KCNB2: variants seen among roughly 807,000 people sequenced by gnomAD.
KCNB2 encodes delayed rectifier potassium channel protein.
A neutral mutation model predicts 61.5 loss-of-function variants in KCNB2; 15 were observed. The observed-to-expected ratio is 0.24, with a 90% CI of 0.16 to 0.38. The LOEUF is 0.38. Ranked by LOEUF, KCNB2 falls within the 10% of genes least tolerant of loss-of-function variation. The pLI is 1.00. For missense variants in KCNB2, 828 were observed against 1,125.2 expected (o/e 0.74, Z 3.78); for synonymous variants, 457 against 446.0 (o/e 1.02, Z -0.31).
chr8:72,835,849 A>T (rs1047847374), intron 2 of KCNB2, among the ~76,000 whole-genome samples: 1 of 152,166 alleles, frequency 6.6e-6, no homozygotes, highest in Non-Finnish European at 1.5e-5. Context: ...TGCTCATTAC[A>T]TTCAACAGGT....
At chr8:72,682,229 G>T (rs759112144) in intron 2 of KCNB2, among the ~76,000 whole-genome samples, 34 of 152,196 alleles carry the variant, frequency 2.2e-4, no homozygotes, top group Middle Eastern at 3.4e-3. Flanking sequence ...TCTGGAGCAT[G>T]GCTACCCCAC....
At chr8:72,910,099 C>T (rs1026999194) in intron 2 of KCNB2, among the ~76,000 whole-genome samples, 1 of 152,144 alleles carries the variant, frequency 6.6e-6, no homozygotes, top group Non-Finnish European at 1.5e-5. Context: ...AGGCTCAAGT[C>T]GCTTATGAGT....
At chr8:72,874,451 C>T (rs550133626) in intron 2 of KCNB2, among the ~76,000 whole-genome samples, 4 of 152,212 alleles carry the variant, frequency 2.6e-5, no homozygotes, top group Admixed American at 1.3e-4. Flanking sequence ...TCTGCTTTCC[C>T]CCTAAGTCTG....
intron 2 of KCNB2, among the ~76,000 whole-genome samples, chr8:72,811,511 C>T (rs933514798): frequency 2.6e-4 from 40 of 152,060 alleles, no homozygotes; most frequent in African/African-American, 8.5e-4. Flanking sequence ...GTCTTTTCTT[C>T]GATTATGTCT....
chr8:72,808,706 T>G (rs117741852), intron 2 of KCNB2, among the ~76,000 whole-genome samples: 2 of 152,166 alleles, frequency 1.3e-5, no homozygotes, highest in Non-Finnish European at 2.9e-5. Context: ...AAAGATCCCA[T>G]GTACTTGACA....
At chr8:72,569,118 T>G (rs1806671800) in intron 2 of KCNB2, among the ~76,000 whole-genome samples, 1 of 152,172 alleles carries the variant, frequency 6.6e-6, no homozygotes, top group East Asian at 1.9e-4. Flanking sequence ...CTTCCAAGGT[T>G]AGCTCAAACC....
intron 2 of KCNB2, among the ~76,000 whole-genome samples, chr8:72,625,823 A>G (rs1362728619): frequency 6.6e-6 from 1 of 152,192 alleles, no homozygotes; most frequent in Non-Finnish European, 1.5e-5. Context: ...CAAGGAAAGA[A>G]TGGGAGGACA....
chr8:72,898,679 T>C (rs1806032365), intron 2 of KCNB2, among the ~76,000 whole-genome samples: 2 of 152,148 alleles, frequency 1.3e-5, no homozygotes, highest in Admixed American at 6.6e-5. Flanking sequence ...TCAACTTTTA[T>C]CTTAGATACT....
chr8:72,923,369 G>A (rs576524085), intron 2 of KCNB2, among the ~76,000 whole-genome samples: 111 of 152,234 alleles, frequency 7.3e-4, no homozygotes, highest in African/African-American at 2.5e-3. Context: ...TTCAAAATAT[G>A]CCAAAGATAT....
intron 1 of KCNB2, among the ~76,000 whole-genome samples, chr8:72,558,129 A>G (rs963033965): frequency 2.6e-5 from 4 of 152,242 alleles, no homozygotes; most frequent in Admixed American, 6.5e-5. Context: ...ATATGGATAC[A>G]GAGATGTTTG....
At chr8:72,748,858 GA>G (rs1808131501) in intron 2 of KCNB2, among the ~76,000 whole-genome samples, 1 of 151,704 alleles carries the variant, frequency 6.6e-6, no homozygotes, top group South Asian at 2.1e-4. Context: ...TTTGCAGTGA[GA>G]ACACTTAAAA....
intron 1 of KCNB2, among the ~76,000 whole-genome samples, chr8:72,546,924 C>A (rs1036811541): frequency 2.6e-4 from 40 of 152,312 alleles, no homozygotes; most frequent in African/African-American, 9.6e-4. Context: ...CTTTCCATAG[C>A]TAGAGAGAAG....
chr8:72,668,125 C>T (rs1806507782), intron 2 of KCNB2, among the ~76,000 whole-genome samples: 1 of 152,216 alleles, frequency 6.6e-6, no homozygotes, highest in South Asian at 2.1e-4. Context: ...TCCAGTTGCC[C>T]TCTTCCAGCA....
intron 2 of KCNB2, among the ~76,000 whole-genome samples, chr8:72,807,673 T>A (rs867574883): frequency 1.3e-5 from 2 of 152,068 alleles, no homozygotes; most frequent in East Asian, 3.9e-4. Flanking sequence ...GCAGCATGAA[T>A]CAGAAAACAC....
intron 2 of KCNB2, among the ~76,000 whole-genome samples, chr8:72,668,795 A>G (rs1218010697): frequency 6.6e-6 from 1 of 152,092 alleles, no homozygotes; most frequent in African/African-American, 2.4e-5. Context: ...CCCCAACTAG[A>G]TCTGAAGATC....
chr8:72,665,713 C>G (rs565553331), intron 2 of KCNB2, among the ~76,000 whole-genome samples: 2 of 120,234 alleles, frequency 1.7e-5, no homozygotes, highest in Admixed American at 8.6e-5. Context: ...TAAATCGTTC[C>G]TGTTTTTATG....
At chr8:72,614,727 CGTTG>C (rs1175412802) in intron 2 of KCNB2, among the ~76,000 whole-genome samples, 3 of 152,104 alleles carry the variant, frequency 2.0e-5, no homozygotes, top group African/African-American at 7.2e-5. Context: ...GTCTCCCTTC[CGTTG>C]GTTCTGTCCT....
intron 2 of KCNB2, among the ~76,000 whole-genome samples, chr8:72,716,929 A>C (rs1807454239): frequency 6.6e-6 from 1 of 152,066 alleles, no homozygotes; most frequent in Non-Finnish European, 1.5e-5. Flanking sequence ...GTCTCAGCCC[A>C]AAATCTCCTT....
chr8:72,718,809 A>C (rs906667096), intron 2 of KCNB2, among the ~76,000 whole-genome samples: 2 of 152,174 alleles, frequency 1.3e-5, no homozygotes, highest in East Asian at 3.8e-4. Flanking sequence ...AGCTGAAAGC[A>C]TAATAATAAT....
Sources: gnomAD v4.1 joint callset for allele counts (sites outside exome capture counted in the v4.1 genomes callset) on GRCh38, gnomAD v4.1.1 for gene constraint, MANE v1.5 for transcripts, NCBI Gene and HGNC (gene_info 2026-07-23, HGNC 2026-07-21) for gene names.